Variants in NLGN4X observed in about 807,000 individuals in gnomAD.
The protein encoded by NLGN4X is neuroligin-4, X-linked.
A neutral mutation model predicts 40.3 loss-of-function variants in NLGN4X; 3 were observed. The ratio of observed to expected loss-of-function variants is 0.07; its 90% CI spans 0.03 to 0.19. NLGN4X has a LOEUF of 0.19. NLGN4X is among the 10% of genes least tolerant of loss of function. The probability of loss-of-function intolerance (pLI) is 1.00; values close to 1 mark genes in which losing one functional copy is unlikely to be tolerated. For synonymous variants in NLGN4X, 270 were observed against 306.8 expected (o/e 0.88, Z 1.25); for missense variants, 382 against 708.3 (o/e 0.54, Z 5.23).
At chrX:5,936,416 C>T (rs1277139484) in intron 3 of NLGN4X, among the ~76,000 whole-genome samples, 2 of 112,120 alleles carry the variant, frequency 1.8e-5, no homozygotes, top group Non-Finnish European at 3.8e-5. Context: ...TTAACTGGAA[C>T]AAATTAATCT....
At chrX:6,064,487 T>C (rs1049092083) in intron 2 of NLGN4X, among the ~76,000 whole-genome samples, 1 of 111,801 alleles carries the variant, frequency 8.9e-6, no homozygotes, top group Non-Finnish European at 1.9e-5. Context: ...ATCATCTCAC[T>C]TTAAAACCAT....
At chrX:5,911,965 G>A (rs2032496096) in intron 3 of NLGN4X, among the ~76,000 whole-genome samples, 1 of 112,148 alleles carries the variant, frequency 8.9e-6, no homozygotes, top group African/African-American at 3.2e-5. Context: ...TAAAGAATGA[G>A]AGAGGCCTGA....
intron 3 of NLGN4X, among the ~76,000 whole-genome samples, chrX:6,020,085 C>T (rs950608548): frequency 1.8e-5 from 2 of 111,136 alleles, no homozygotes; most frequent in Non-Finnish European, 3.8e-5. Context: ...TGACAGATGC[C>T]AGATGATAAT....
intron 1 of NLGN4X, among the ~76,000 whole-genome samples, chrX:6,220,022 T>A (rs1294520788): frequency 5.4e-5 from 6 of 111,013 alleles, no homozygotes; most frequent in African/African-American, 2.0e-4. Context: ...TTTTTTTTTT[T>A]ATGTGGTAGT....
At chrX:5,921,959 C>T (rs1398840868) in intron 3 of NLGN4X, among the ~76,000 whole-genome samples, 2 of 111,256 alleles carry the variant, frequency 1.8e-5, no homozygotes, top group Non-Finnish European at 3.8e-5. Context: ...ATATCACAGG[C>T]GAAGCTGACA....
intron 3 of NLGN4X, among the ~76,000 whole-genome samples, chrX:5,927,313 T>C (rs2033371071): frequency 8.9e-6 from 1 of 112,048 alleles, no homozygotes; most frequent in Admixed American, 9.5e-5. Flanking sequence ...GGACTGTTCT[T>C]GAATCCCTAC....
intron 3 of NLGN4X, among the ~76,000 whole-genome samples, chrX:5,969,328 A>AG: frequency 9.0e-6 from 1 of 110,580 alleles, no homozygotes; most frequent in Non-Finnish European, 1.9e-5. Flanking sequence ...AATTTCCAAG[A>AG]AAAAACAAAA....
intron 1 of NLGN4X, among the ~76,000 whole-genome samples, chrX:6,162,798 G>A (rs757752819): frequency 5.4e-5 from 6 of 111,650 alleles, no homozygotes; most frequent in Non-Finnish European, 1.1e-4. Context: ...ACGTGCTATG[G>A]TTTGTGTTTG....
intron 3 of NLGN4X, among the ~76,000 whole-genome samples, chrX:5,943,644 T>C (rs1443480136): frequency 1.8e-5 from 2 of 112,531 alleles, no homozygotes; most frequent in Admixed American, 1.9e-4. Flanking sequence ...CAATGCTCAG[T>C]ACCCACAGGG....
In NLGN4X at chrX:6,084,540, G is replaced by A. The variant is rs762276502; in HGVS notation, c.473-55108C>T. On this transcript the variant is annotated intron_variant, in intron 2 of 5. Transcript: ENST00000381095. ...ATGAGATATAATGAAAACAAAAAAG[G>A]TCAAAAAACCTTAAATTGATGCCCT... Among the ~76,000 whole-genome samples the A allele has an allele frequency of 5.4e-5, 6 of 111,630 alleles. No homozygotes were observed. In the East Asian group the frequency reaches 1.4e-3, roughly 26 times the overall value.
intron 3 of NLGN4X, among the ~76,000 whole-genome samples, chrX:6,004,623 T>A (rs755205568): frequency 8.0e-5 from 9 of 111,995 alleles, no homozygotes; most frequent in African/African-American, 2.9e-4. Flanking sequence ...AAAGGCATGC[T>A]TTTCTTCTTC....
chrX:5,892,549 G>T lies in NLGN4X; in HGVS notation c.*268C>A. The T allele has an allele frequency of 2.7e-6, 1 of 368,713 alleles. No individual in the cohort carries two copies. Among genetic ancestry groups the T allele is most frequent in the South Asian group, 3.6e-5 (1 of 27,831 alleles). 30.4% of individuals were successfully genotyped at this position (368,713 alleles called of 1,213,427 possible). On this transcript the variant is annotated 3_prime_UTR_variant, in exon 6 of 6. Transcript: ENST00000381095. Reference sequence around the variant, plus strand: ...ACTAAACATCGATTGGAGTGGTAGAGATCTTAAAGCAGTTATTTTAACAGA... The same window carrying T: ...ACTAAACATCGATTGGAGTGGTAGATATCTTAAAGCAGTTATTTTAACAGA...
At chrX:6,138,556 C>G (rs189969776) in intron 2 of NLGN4X, among the ~76,000 whole-genome samples, 2 of 111,589 alleles carry the variant, frequency 1.8e-5, no homozygotes, top group Non-Finnish European at 3.8e-5. Context: ...TTCATTTGTT[C>G]CATGTACTGA....
chrX:5,991,011 C>T (rs748592703), intron 3 of NLGN4X, among the ~76,000 whole-genome samples: 1 of 111,717 alleles, frequency 9.0e-6, no homozygotes, highest in South Asian at 3.7e-4. Context: ...TTTTGAATTG[C>T]AAGAAATGCA....
intron 3 of NLGN4X, among the ~76,000 whole-genome samples, chrX:5,932,674 A>G (rs1326327154): frequency 9.0e-6 from 1 of 111,231 alleles, no homozygotes; most frequent in Non-Finnish European, 1.9e-5. Context: ...AGAATGAATT[A>G]CCAAATTGGA....
At chrX:6,087,269 T>A (rs1013083507) in intron 2 of NLGN4X, among the ~76,000 whole-genome samples, 9 of 111,727 alleles carry the variant, frequency 8.1e-5, no homozygotes, top group South Asian at 3.8e-4. Flanking sequence ...TGACTTTTTT[T>A]AATACAGCAA....
chrX:6,062,798 T>C (rs2037803299), intron 2 of NLGN4X, among the ~76,000 whole-genome samples: 2 of 111,159 alleles, frequency 1.8e-5, no homozygotes, highest in Admixed American at 1.9e-4. Context: ...TTGCTCCTCC[T>C]TGCCCTCTGC....
At chrX:6,084,689 T>A (rs940130195) in intron 2 of NLGN4X, among the ~76,000 whole-genome samples, 3 of 110,499 alleles carry the variant, frequency 2.7e-5, no homozygotes, top group Non-Finnish European at 5.7e-5. Flanking sequence ...GAGGGGACAA[T>A]GGCAGGTGTT....
chrX:6,166,246 C>G (rs1478165088), intron 1 of NLGN4X, among the ~76,000 whole-genome samples: 1 of 111,235 alleles, frequency 9.0e-6, no homozygotes, highest in Admixed American at 9.6e-5. Context: ...TTAAATATAT[C>G]TTTTTATTTT....
Sources: allele counts gnomAD v4.1 joint callset (sites outside exome capture counted in the v4.1 genomes callset), GRCh38; gene constraint gnomAD v4.1.1; transcripts MANE v1.5; gene names NCBI Gene and HGNC (gene_info 2026-07-23, HGNC 2026-07-21).